The following TCF25 variants were observed in gnomAD, a reference collection of about 807,000 sequenced individuals.
TCF25 encodes TCF25 ribosome quality control complex subunit, also known as ribosome quality control complex subunit TCF25.
Under a neutral mutation model 83.1 loss-of-function variants are expected in TCF25, and 41 were observed. The ratio of observed to expected loss-of-function variants is 0.49; its 90% CI spans 0.38 to 0.64. The LOEUF (loss-of-function observed/expected upper bound fraction) is 0.64, where lower values mean the gene tolerates loss of function less well. TCF25 is among the 30% of genes least tolerant of loss of function. The pLI, the probability that TCF25 is intolerant of heterozygous loss-of-function variation, is 0.00. For synonymous variants in TCF25, 458 were observed against 365.0 expected (o/e 1.25, Z -2.90); for missense variants, 979 against 914.5 (o/e 1.07, Z -0.91).
intron 1 of TCF25, among the ~76,000 whole-genome samples, chr16:89,874,214 G>T (rs1306666941): frequency 3.3e-5 from 5 of 152,170 alleles, no homozygotes; most frequent in African/African-American, 9.6e-5. Flanking sequence ...CAAGGGCGTG[G>T]CCAACGTCCG....
chr16:89,887,778 G>A (rs1017604247), intron 5 of TCF25, 61 bp downstream of exon 5: 26 of 1,449,752 alleles, frequency 1.8e-5, no homozygotes, highest in Non-Finnish European at 2.2e-5. Flanking sequence ...ACTCTTGGCC[G>A]GGGGTGGTGT....
rs947313586 is a variant in TCF25, at chr16:89,896,008, T to C, written c.947T>C (p.Met316Thr). Residue 316 changes from methionine to threonine, a missense_variant, in exon 9 of 18, where the codon ATG (methionine) becomes ACG (threonine). Transcript: ENST00000263346. ...CCCACAGAGAGAGCGCTGTACAGCA[T>C]GGAATGTGCGTTCCACCCCCTGTTC... The part of the protein sequence containing the change: ...RDLVERALYS[M>T]ECAFHPLFSL... 3 of 1,613,836 alleles carry C rather than the reference T, an allele frequency of 1.9e-6. No individual in the cohort carries two copies. Among genetic ancestry groups the C allele is most frequent in the Non-Finnish European group, 1.7e-6 (2 of 1,179,962 alleles).
At chr16:89,883,582 T>G (rs2042764376) in intron 2 of TCF25, 70 bp downstream of exon 2, 1 of 1,464,814 alleles carries the variant, frequency 6.8e-7, no homozygotes, top group African/African-American at 1.4e-5. Flanking sequence ...ACGTGTATCC[T>G]GTGCTGTGAT....
chr16:89,911,033 G>C, intron 17 of TCF25, 47 bp from the exon 18 acceptor site: 1 of 1,603,774 alleles, frequency 6.2e-7, no homozygotes, highest in Non-Finnish European at 8.5e-7. Flanking sequence ...CGGGCCCCTA[G>C]TCCCAGCACA....
intron 1 of TCF25, among the ~76,000 whole-genome samples, chr16:89,876,151 A>G (rs982943552): frequency 6.6e-6 from 1 of 152,114 alleles, no homozygotes; most frequent in African/African-American, 2.4e-5. Flanking sequence ...AGTGTCAGTA[A>G]CACTAACAGC....
At chr16:89,890,653 C>T (rs976337541) in intron 5 of TCF25, 42 of 152,158 alleles carry the variant, frequency 2.8e-4, no homozygotes, top group Admixed American at 2.6e-3. Context: ...CTGCATTTCT[C>T]TGAGCTGAGG....
intron 9 of TCF25, 87 bp downstream of exon 9, chr16:89,896,170 G>A (rs2144149427): frequency 1.5e-6 from 2 of 1,305,510 alleles, no homozygotes; most frequent in Non-Finnish European, 2.1e-6. Flanking sequence ...GCACCTCATG[G>A]CTGCCCTCCA....
At chr16:89,904,670 C>G (rs968670999) in intron 13 of TCF25, 1 of 586,554 alleles carries the variant, frequency 1.7e-6, no homozygotes. Context: ...CCTGTGTGCA[C>G]GCAGATGGAC....
At chr16:89,888,910 C>T (rs1309141867) in intron 5 of TCF25, among the ~76,000 whole-genome samples, 1 of 144,288 alleles carries the variant, frequency 6.9e-6, no homozygotes, top group Non-Finnish European at 1.5e-5. Context: ...TGGTCTCGAA[C>T]TCCTGACCTC....
At chr16:89,883,911 T>G in intron 2 of TCF25, 1 of 200,086 alleles carries the variant, frequency 5.0e-6, no homozygotes, top group Non-Finnish European at 1.1e-5. Flanking sequence ...CTGGTGTAAG[T>G]GAACTTTGAA....
rs1369591183 is a variant in TCF25 at position 89,899,760 on chromosome 16, C to G, written c.1222-875C>G. ...AAAAAAAGAAAATTTAAATTGACAC[C>G]TGGGCTCCCATTATGTTCCTATGGG... On this transcript the variant is annotated intron_variant, in intron 11 of 17. Coordinates refer to ENST00000263346, the MANE Select transcript of TCF25 (RefSeq NM_014972.3). Among the ~76,000 whole-genome samples, 4 of 152,030 alleles carry G rather than the reference C, an allele frequency of 2.6e-5. 1 individual carries two copies. In the South Asian group the frequency reaches 6.2e-4, roughly 24 times the overall value.
At chr16:89,884,712 C>G in intron 3 of TCF25, 56 bp downstream of exon 3, 2 of 1,546,774 alleles carry the variant, frequency 1.3e-6, no homozygotes, top group Non-Finnish European at 1.8e-6. Context: ...CCCTCTCCCT[C>G]TGCCTGACGC....
intron 1 of TCF25, among the ~76,000 whole-genome samples, chr16:89,878,928 A>G (rs1177050017): frequency 6.6e-6 from 1 of 152,240 alleles, no homozygotes; most frequent in Non-Finnish European, 1.5e-5. Flanking sequence ...GGCGTGAGCC[A>G]CCGCGCCCAG....
intron 1 of TCF25, among the ~76,000 whole-genome samples, chr16:89,875,165 C>T (rs1407058006): frequency 1.3e-5 from 2 of 152,102 alleles, no homozygotes; most frequent in Non-Finnish European, 1.5e-5. Flanking sequence ...GTGCTTGGCC[C>T]CGTAAGTCTT....
intron 1 of TCF25, among the ~76,000 whole-genome samples, chr16:89,880,826 G>A (rs768608952): frequency 4.8e-5 from 6 of 125,278 alleles, no homozygotes; most frequent in Non-Finnish European, 7.0e-5. Context: ...CCACCCACAG[G>A]TTAGAAACAT....
chr16:89,898,867 TG>T lies in TCF25; in HGVS notation c.1219del (p.Glu407ArgfsTer23), dbSNP rs1434498118. Reference protein sequence around the residue: ...YEYLIRLFQEWEAHRNLSQLP... With the variant: ...YEYLIRLFQEXEAHRNLSQLP... ...GTACCTGATCCGCCTCTTCCAGGAG[TG>T]GGAGGTGGGTGCGAGCCTGGTGAGG... On this transcript the variant is annotated frameshift_variant, in exon 11 of 18. Coordinates refer to ENST00000263346, the MANE Select transcript of TCF25 (RefSeq NM_014972.3). LOFTEE classifies it high-confidence loss of function. 6.2e-7 allele frequency: 1 copy of T among 1,613,038 alleles called. No homozygotes were observed. Among genetic ancestry groups the T allele is most frequent in the Non-Finnish European group, 8.5e-7 (1 of 1,179,918 alleles).
chr16:89,904,156 G>A lies in TCF25; in HGVS notation c.1420G>A (p.Asp474Asn), dbSNP rs775143873. ...PLLESCSVRP[D>N]ASVSSHRFFG... ...GCTCGAGTCTTGCAGTGTGCGGCCC[G>A]ACGCCAGCGTTTCCAGTCACCGCTT... The change falls in exon 13 of 18, where the codon GAC becomes AAC. Residue 474 changes from aspartate (D) to asparagine (N), a missense_variant. By Grantham distance (23) the Asp-to-Asn change is conservative (BLOSUM62 1). Coordinates refer to ENST00000263346, the MANE Select transcript of TCF25 (RefSeq NM_014972.3). 1.6e-5 allele frequency: 26 copies of A among 1,605,240 alleles called. No homozygotes were observed. The highest frequency in any genetic ancestry group is 6.7e-5 in the South Asian group (6 of 89,132).
In TCF25 at chr16:89,873,611, G is replaced by C. The variant is rs1466624043; in HGVS notation, c.-57G>C. ...CGAAGAGTGCGCAGGCGCGCCGACA[G>C]CCGAGTTTTCTGCGCTTCCTTCTCC... On this transcript the variant is annotated 5_prime_UTR_variant, in exon 1 of 18. Transcript: ENST00000263346. The C allele has an allele frequency of 4.2e-6, 6 of 1,436,888 alleles. No individual in the cohort carries two copies. Among genetic ancestry groups the C allele is most frequent in the Non-Finnish European group, 4.6e-6 (5 of 1,097,372 alleles). 89.0% of individuals were successfully genotyped at this position (1,436,888 alleles called of 1,614,324 possible).
chr16:89,895,213 A>G, intron 8 of TCF25, 76 bp downstream of exon 8: 1 of 1,359,872 alleles, frequency 7.4e-7, no homozygotes, highest in African/African-American at 1.4e-5. Flanking sequence ...CGATGGTGTA[A>G]GATGACAGGG....
Sources: gnomAD v4.1 joint callset for allele counts (sites outside exome capture counted in the v4.1 genomes callset) on GRCh38, gnomAD v4.1.1 for gene constraint, MANE v1.5 for transcripts, NCBI Gene and HGNC (gene_info 2026-07-23, HGNC 2026-07-21) for gene names.